IL1RAPL2: variants seen among roughly 807,000 people sequenced by gnomAD.
IL1RAPL2 encodes interleukin 1 receptor accessory protein like 2.
A neutral mutation model predicts 44.1 loss-of-function variants in IL1RAPL2; 3 were observed. The ratio of observed to expected loss-of-function variants is 0.07; its 90% confidence interval spans 0.03 to 0.18. IL1RAPL2 has a LOEUF of 0.18. Among genes scored for constraint, IL1RAPL2 ranks in the 10% least tolerant of loss-of-function variants. The probability of loss-of-function intolerance (pLI) is 1.00; values close to 1 mark genes in which losing one functional copy is unlikely to be tolerated. For missense variants in IL1RAPL2, 391 were observed against 496.4 expected, an observed-to-expected ratio of 0.79 and a Z score of 2.02; for synonymous variants, 181 against 178.8, an observed-to-expected ratio of 1.01 and a Z score of -0.10.
At chrX:104,749,325 C>T (rs1932221983) in intron 2 of IL1RAPL2, among the ~76,000 whole-genome samples, 1 of 110,784 alleles carries the variant, frequency 9.0e-6, no homozygotes, top group Non-Finnish European at 1.9e-5. Context: ...GAAGTTTAGC[C>T]CCTGCATGCC....
At chrX:105,218,847 C>T (rs905526416) in intron 3 of IL1RAPL2, 6 of 644,318 alleles carry the variant, frequency 9.3e-6, no homozygotes, top group African/African-American at 4.5e-5. Context: ...CTCCTTCCCC[C>T]ACTCTTCCCA....
At chrX:104,839,980 G>T (rs375011545) in intron 2 of IL1RAPL2, among the ~76,000 whole-genome samples, 4 of 111,665 alleles carry the variant, frequency 3.6e-5, no homozygotes, top group African/African-American at 1.3e-4. Context: ...CTAGCTAGCA[G>T]TGTATCTATT....
At chrX:104,863,162 G>T (rs1922534837) in intron 2 of IL1RAPL2, among the ~76,000 whole-genome samples, 1 of 111,630 alleles carries the variant, frequency 9.0e-6, no homozygotes, top group Non-Finnish European at 1.9e-5. Flanking sequence ...CTGTACCCCA[G>T]ACTGGAACTT....
intron 6 of IL1RAPL2, among the ~76,000 whole-genome samples, chrX:105,527,737 A>G (rs892005931): frequency 1.2e-4 from 13 of 111,298 alleles, no homozygotes; most frequent in Non-Finnish European, 2.1e-4. Context: ...CACCTCAAGA[A>G]GATAGATATC....
chrX:104,790,917 A>C (rs1184330115), intron 2 of IL1RAPL2, among the ~76,000 whole-genome samples: 1 of 111,919 alleles, frequency 8.9e-6, no homozygotes, highest in Non-Finnish European at 1.9e-5. Flanking sequence ...GTACAGAAGG[A>C]AGCCCATGGT....
chrX:104,593,057 A>G (rs919740126), intron 1 of IL1RAPL2, among the ~76,000 whole-genome samples: 1 of 112,020 alleles, frequency 8.9e-6, no homozygotes, highest in Non-Finnish European at 1.9e-5. Context: ...ATCTAGTAAC[A>G]TAGGCAAAAC....
chrX:105,585,244 AT>A (rs765150118), intron 6 of IL1RAPL2, among the ~76,000 whole-genome samples: 6 of 108,958 alleles, frequency 5.5e-5, no homozygotes, highest in Admixed American at 2.9e-4. Context: ...GGTTATGCTC[AT>A]TTTTTTTACT....
At chrX:105,419,938 C>A (rs1046764562) in intron 5 of IL1RAPL2, among the ~76,000 whole-genome samples, 1 of 110,983 alleles carries the variant, frequency 9.0e-6, no homozygotes, top group African/African-American at 3.3e-5. Flanking sequence ...TAAAGTGAGA[C>A]CATTTGTGAA....
In IL1RAPL2 at chrX:105,487,460, C is replaced by T. The variant is rs1052608617; in HGVS notation, c.772+3073C>T. Among the ~76,000 whole-genome samples, 30 of 111,911 alleles carry T rather than the reference C, an allele frequency of 2.7e-4. No individual in the cohort carries two copies. The South Asian group carries it at 4.9e-3, about 18-fold the overall frequency. On this transcript the variant is annotated intron_variant, in intron 6 of 10. Transcript: ENST00000372582. ...ACATTAGATGTAAGGCTGAACTTTT[C>T]GGGTTTTAGTTTGTAACACAATTGG... is the stretch of plus-strand genomic sequence containing the variant.
At chrX:104,692,047 T>C (rs903862777) in intron 2 of IL1RAPL2, among the ~76,000 whole-genome samples, 1 of 111,934 alleles carries the variant, frequency 8.9e-6, no homozygotes, top group Non-Finnish European at 1.9e-5. Flanking sequence ...TGTGTGTTAC[T>C]GGTTAGCACA....
intron 2 of IL1RAPL2, among the ~76,000 whole-genome samples, chrX:104,923,801 C>T (rs1317076956): frequency 9.1e-6 from 1 of 109,731 alleles, no homozygotes; most frequent in Admixed American, 9.8e-5. Flanking sequence ...CTTCGCATGT[C>T]AATATTAACT....
intron 2 of IL1RAPL2, among the ~76,000 whole-genome samples, chrX:104,972,400 GGT>G (rs1199806919): frequency 9.0e-6 from 1 of 111,557 alleles, no homozygotes; most frequent in Non-Finnish European, 1.9e-5. Flanking sequence ...AGGTAATAGT[GGT>G]GGGGGAGTGC....
At chrX:104,950,094 C>G (rs1392602087) in intron 2 of IL1RAPL2, among the ~76,000 whole-genome samples, 10 of 111,395 alleles carry the variant, frequency 9.0e-5, no homozygotes, top group Non-Finnish European at 1.7e-4. Flanking sequence ...CTTTATGAAT[C>G]TGGGTGCTCC....
chrX:105,269,880 A>T (rs1306964616), intron 5 of IL1RAPL2, among the ~76,000 whole-genome samples: 1 of 112,034 alleles, frequency 8.9e-6, no homozygotes, highest in African/African-American at 3.2e-5. Flanking sequence ...ACTCACATCA[A>T]ATGGGTTCTG....
chrX:104,732,658 C>T (rs776369347), intron 2 of IL1RAPL2, among the ~76,000 whole-genome samples: 42 of 111,355 alleles, frequency 3.8e-4, no homozygotes, highest in Admixed American at 3.3e-3. Flanking sequence ...AAAAAATCAC[C>T]AGGCCTAGAG....
chrX:105,408,021 A>C (rs1426051300), intron 5 of IL1RAPL2, among the ~76,000 whole-genome samples: 1 of 112,101 alleles, frequency 8.9e-6, no homozygotes, highest in African/African-American at 3.2e-5. Context: ...ATCCAGAGCT[A>C]CTGCAATCAA....
intron 2 of IL1RAPL2, among the ~76,000 whole-genome samples, chrX:104,919,153 C>T (rs899367141): frequency 2.7e-5 from 3 of 110,870 alleles, no homozygotes; most frequent in Non-Finnish European, 3.8e-5. Context: ...CTACATTAGA[C>T]AACTCTTATG....
chrX:105,017,421 T>A (rs894139891), intron 2 of IL1RAPL2, among the ~76,000 whole-genome samples: 38 of 111,463 alleles, frequency 3.4e-4, no homozygotes, highest in East Asian at 8.5e-4. Context: ...TCGGAGATTT[T>A]AAAAAAATAC....
At chrX:105,555,027 C>A (rs1422186710) in intron 6 of IL1RAPL2, among the ~76,000 whole-genome samples, 1 of 109,904 alleles carries the variant, frequency 9.1e-6, no homozygotes, top group African/African-American at 3.3e-5. Flanking sequence ...CATTTTCAAG[C>A]CTTGTGTAAA....
Sources: allele counts gnomAD v4.1 joint callset (sites outside exome capture counted in the v4.1 genomes callset), GRCh38; gene constraint gnomAD v4.1.1; transcripts MANE v1.5; gene names NCBI Gene and HGNC (gene_info 2026-07-23, HGNC 2026-07-21).